CALD1: variants seen among roughly 807,000 people sequenced by gnomAD.
The protein encoded by CALD1 is caldesmon 1, also known as caldesmon.
Under a neutral mutation model 99.9 loss-of-function variants are expected in CALD1, and 33 were observed. The observed-to-expected ratio is 0.33, with a 90% CI of 0.25 to 0.44. The LOEUF (loss-of-function observed/expected upper bound fraction) is 0.44. CALD1 is among the 20% of genes least tolerant of loss of function. The pLI is 1.00. For missense variants in CALD1, 861 were observed against 962.1 expected, an observed-to-expected ratio of 0.89 and a Z score of 1.39; for synonymous variants, 310 against 325.0, an observed-to-expected ratio of 0.95 and a Z score of 0.50.
At chr7:134,941,478 T>G (rs1271007691) in intron 7 of CALD1, among the ~76,000 whole-genome samples, 1 of 152,228 alleles carries the variant, frequency 6.6e-6, no homozygotes, top group Non-Finnish European at 1.5e-5. Context: ...CCCATTATTT[T>G]GAAAGGCAGA....
chr7:134,931,604 A>G (rs564533809), intron 4 of CALD1, among the ~76,000 whole-genome samples: 7 of 152,322 alleles, frequency 4.6e-5, no homozygotes, highest in African/African-American at 1.7e-4. Context: ...AATTTGATGG[A>G]GTTTCTAAAC....
Position 134,933,151 on chromosome 7 carries a change from G to C in CALD1, c.382G>C (p.Ala128Pro), listed in dbSNP as rs1203710825. 6.2e-7 allele frequency: 1 copy of C among 1,613,536 alleles called. No homozygotes were observed. The highest frequency in any genetic ancestry group is 8.5e-7 in the Non-Finnish European group (1 of 1,179,936). ...QKEFDPTITD[A>P]SLSLPSRRMQ... ...GGAGTTCGACCCAACAATAACAGAT[G>C]CAAGTCTGTCGCTCCCAAGCAGAAG... Residue 128 changes from alanine (A) to proline (P), a missense_variant, in exon 5 of 15, where the codon GCA (alanine) becomes CCA (proline). Ala to Pro is a conservative substitution (Grantham distance 27, BLOSUM62 -1). Coordinates refer to ENST00000361675, the MANE Select transcript of CALD1 (RefSeq NM_033138.4).
chr7:134,729,347 C>T, the CALD1 span, among the ~76,000 whole-genome samples: 36 of 152,356 alleles, frequency 2.4e-4, 2 homozygotes, highest in South Asian at 7.5e-3. Context: ...CACCCATGGT[C>T]ACCCAGCTAG....
intron 1 of CALD1, among the ~76,000 whole-genome samples, chr7:134,833,431 C>T (rs3800719): frequency 0.2 from 29,749 of 152,074 alleles, 3,305 homozygotes; most frequent in African/African-American, 0.3. Context: ...TTTGTGGCCA[C>T]GTAAGACTGA....
intron 1 of CALD1, among the ~76,000 whole-genome samples, chr7:134,763,521 C>A (rs17168025): frequency 0.032 from 4,870 of 152,228 alleles, 239 homozygotes; most frequent in African/African-American, 0.11. Flanking sequence ...CTTGGGTTCT[C>A]GGTCAGAACT....
intron 1 of CALD1, among the ~76,000 whole-genome samples, chr7:134,814,592 C>G (rs764525329): frequency 6.6e-6 from 1 of 152,152 alleles, no homozygotes; most frequent in Non-Finnish European, 1.5e-5. Flanking sequence ...GAGTTGGTTA[C>G]TAAGAGCACA....
chr7:134,910,454 G>A lies in CALD1; in HGVS notation c.72-18300G>A, dbSNP rs538181936. ...TTTGCTTCCCACAGACATTGCAAAA[G>A]GCCAAAACTAACACTAGGCTTGATA... On this transcript the variant is annotated intron_variant, in intron 3 of 14. Coordinates refer to ENST00000361675, the MANE Select transcript of CALD1 (RefSeq NM_033138.4). Among the ~76,000 whole-genome samples the A allele has an allele frequency of 2.8e-4, 43 of 152,220 alleles. 2 individuals carry two copies. The South Asian group carries it at 8.3e-3, about 29-fold the overall frequency.
intron 3 of CALD1, chr7:134,920,682 AGAGCTGATCT>A (rs1424880924): frequency 7.8e-7 from 1 of 1,289,328 alleles, no homozygotes. Flanking sequence ...CAGAAATTTT[AGAGCTGATCT>A]TGGGGACCGG....
At chr7:134,963,966 A>G (rs1808472505) in intron 13 of CALD1, among the ~76,000 whole-genome samples, 1 of 152,210 alleles carries the variant, frequency 6.6e-6, no homozygotes, top group Non-Finnish European at 1.5e-5. Flanking sequence ...TGAGAGGCTG[A>G]GGCGGGCAGA....
At chr7:134,927,541 G>A (rs1181193208) in intron 3 of CALD1, among the ~76,000 whole-genome samples, 18 of 101,158 alleles carry the variant, frequency 1.8e-4, no homozygotes, top group African/African-American at 4.7e-4. Context: ...GACAGAGTTA[G>A]ACTGTGTCTC....
chr7:134,743,008 C>T (rs1796603758), upstream of CALD1, among the ~76,000 whole-genome samples: 1 of 152,194 alleles, frequency 6.6e-6, no homozygotes, highest in Non-Finnish European at 1.5e-5. Flanking sequence ...CAGCCCTTTA[C>T]AGCAGCCTTT....
intron 6 of CALD1, among the ~76,000 whole-genome samples, chr7:134,937,457 G>C (rs371376457): frequency 5.9e-5 from 9 of 152,062 alleles, no homozygotes; most frequent in African/African-American, 2.2e-4. Context: ...TTTAAAAAAA[G>C]AAAACAACCC....
At chr7:134,822,968 A>G (rs1798840617) in intron 1 of CALD1, among the ~76,000 whole-genome samples, 1 of 152,168 alleles carries the variant, frequency 6.6e-6, no homozygotes, top group South Asian at 2.1e-4. Flanking sequence ...ACTCAAGTCA[A>G]CAATGTGGAA....
At chr7:134,826,158 A>T (rs1318618784) in intron 1 of CALD1, among the ~76,000 whole-genome samples, 1 of 152,182 alleles carries the variant, frequency 6.6e-6, no homozygotes, top group Non-Finnish European at 1.5e-5. Context: ...CTATATAAGG[A>T]TAATTTTATT....
intron 3 of CALD1, among the ~76,000 whole-genome samples, chr7:134,893,484 G>A (rs112771953): frequency 3.9e-5 from 6 of 152,266 alleles, no homozygotes; most frequent in South Asian, 2.1e-4. Context: ...CAGGGATGTC[G>A]AGATTTGTAA....
In CALD1 at chr7:134,948,050, C is replaced by T. The variant is rs1018692239; in HGVS notation, c.1794+281C>T. 11 of 302,058 alleles carry T rather than the reference C, an allele frequency of 3.6e-5. No homozygotes were observed. The South Asian group carries it at 8.0e-4, about 22-fold the overall frequency. The allele number at this position is 302,058 out of a possible 1,614,324, so 18.7% of individuals were successfully genotyped here. A position where few individuals can be genotyped will look rare whatever the true frequency, so the allele number is the denominator to read the frequency against. On this transcript the variant is annotated intron_variant, in intron 8 of 14. Coordinates refer to ENST00000361675, the MANE Select transcript of CALD1 (RefSeq NM_033138.4). ...TTGTTTGTAACTTTCCCAAGGTCTC[C>T]CTTGAGTCTGCCTGACATGCAGGAG...
chr7:134,742,042 CACACAG>C (rs1304528609), upstream of CALD1, among the ~76,000 whole-genome samples: 1 of 152,010 alleles, frequency 6.6e-6, no homozygotes, highest in Non-Finnish European at 1.5e-5. Context: ...CACACACACA[CACACAG>C]ACACACACAT....
At chr7:134,892,818 C>T (rs1328269013) in intron 3 of CALD1, among the ~76,000 whole-genome samples, 1 of 152,212 alleles carries the variant, frequency 6.6e-6, no homozygotes, top group Non-Finnish European at 1.5e-5. Context: ...GCTCCTCATC[C>T]TCGCTCTACT....
rs36066526 is a variant in CALD1, at chr7:134,828,986, T to TC, written c.-129-14890dup. 2.1e-3 allele frequency among the ~76,000 whole-genome samples: 313 copies of TC among 151,610 alleles called. 1 individual carries two copies. Among genetic ancestry groups the TC allele is most frequent in the East Asian group, 0.01 (53 of 5,160 alleles). On this transcript the variant is annotated intron_variant, in intron 1 of 14. Coordinates refer to ENST00000361675, the MANE Select transcript of CALD1 (RefSeq NM_033138.4). The stretch of plus-strand genomic sequence containing the variant: ...CAAATAGATGATAAATCTATAAAGC[T>TC]CCCCCCCCATCTTATCATTAGATAC...
Sources: gnomAD v4.1 joint callset for allele counts (sites outside exome capture counted in the v4.1 genomes callset) on GRCh38, gnomAD v4.1.1 for gene constraint, MANE v1.5 for transcripts, NCBI Gene and HGNC (gene_info 2026-07-23, HGNC 2026-07-21) for gene names.